DHRSX: variants seen among roughly 807,000 people sequenced by gnomAD.
The protein encoded by DHRSX is dehydrogenase/reductase X-linked.
In DHRSX, 31 loss-of-function variants were observed where a neutral mutation model predicts 34.0. That is an observed-to-expected ratio of 0.91 (90% confidence interval 0.69 to 1.23). The LOEUF is 1.23. DHRSX is among the 50% of genes most tolerant of loss of function. The probability of loss-of-function intolerance (pLI) is 0.00; values close to 1 mark genes in which losing one functional copy is unlikely to be tolerated. For missense variants in DHRSX, 414 were observed against 428.1 expected (o/e 0.97, Z 0.29); for synonymous variants, 201 against 183.8 (o/e 1.09, Z -0.76).
At chrX:2,262,703 C>G (rs1197899284) in intron 5 of DHRSX, among the ~76,000 whole-genome samples, 2 of 152,238 alleles carry the variant, frequency 1.3e-5, no homozygotes, top group Non-Finnish European at 2.9e-5. Context: ...CTTCCCTGCA[C>G]AGCCCGGTGC....
At chrX:2,472,921 G>A (rs1430477015) in intron 1 of DHRSX, among the ~76,000 whole-genome samples, 1 of 152,102 alleles carries the variant, frequency 6.6e-6, no homozygotes, top group Non-Finnish European at 1.5e-5. Flanking sequence ...AGTGTGAGAA[G>A]GATTCCTTTC....
At chrX:2,488,360 A>G (rs1335636993) in intron 1 of DHRSX, 1 of 422,078 alleles carries the variant, frequency 2.4e-6, no homozygotes, top group Non-Finnish European at 4.1e-6. Context: ...TTTTTAGTAG[A>G]GACGGGGTTT....
intron 5 of DHRSX, among the ~76,000 whole-genome samples, chrX:2,245,236 C>A (rs952143939): frequency 1.3e-5 from 2 of 152,136 alleles, no homozygotes; most frequent in African/African-American, 4.8e-5. Flanking sequence ...AAGAATGTAA[C>A]CATCTGTGTC....
chrX:2,313,006 A>ATTT (rs113049667), intron 3 of DHRSX, among the ~76,000 whole-genome samples: 10 of 144,174 alleles, frequency 6.9e-5, no homozygotes, highest in African/African-American at 2.6e-4. Context: ...CAAGATATAT[A>ATTT]TTTTTTTTTT....
chrX:2,468,359 G>C (rs1474060559), intron 1 of DHRSX, among the ~76,000 whole-genome samples: 2 of 152,184 alleles, frequency 1.3e-5, no homozygotes, highest in East Asian at 3.8e-4. Flanking sequence ...CACTTGCAGA[G>C]AGGAGCAGGC....
chrX:2,446,690 C>G (rs1214544776), intron 1 of DHRSX, among the ~76,000 whole-genome samples: 1 of 151,918 alleles, frequency 6.6e-6, no homozygotes, highest in African/African-American at 2.4e-5. Context: ...AAGGGACCAC[C>G]GCCATGTACT....
At chrX:2,263,512 C>CTT (rs775187535) in intron 5 of DHRSX, among the ~76,000 whole-genome samples, 31 of 130,452 alleles carry the variant, frequency 2.4e-4, no homozygotes, top group East Asian at 6.5e-4. Flanking sequence ...ATTTTTCTTT[C>CTT]TTTTTTTTTT....
intron 1 of DHRSX, among the ~76,000 whole-genome samples, chrX:2,441,197 G>A (rs1835157179): frequency 6.6e-6 from 1 of 152,140 alleles, no homozygotes; most frequent in Non-Finnish European, 1.5e-5. Flanking sequence ...AGACATCCAA[G>A]GAGCAGAATT....
chrX:2,490,915 G>A, intron 1 of DHRSX: 2 of 693,398 alleles, frequency 2.9e-6, no homozygotes, highest in Non-Finnish European at 4.8e-6. Context: ...TTCCTTGCGG[G>A]TCACTTTTGC....
At chrX:2,405,663 G>T (rs1335173951) in intron 3 of DHRSX, among the ~76,000 whole-genome samples, 1 of 151,888 alleles carries the variant, frequency 6.6e-6, no homozygotes, top group East Asian at 1.9e-4. Flanking sequence ...TGGGTGTGGT[G>T]CTGCACACCT....
At chrX:2,294,945 G>T (rs2041914806) in intron 3 of DHRSX, among the ~76,000 whole-genome samples, 1 of 152,102 alleles carries the variant, frequency 6.6e-6, no homozygotes, top group Admixed American at 6.6e-5. Flanking sequence ...GAGAGGATTT[G>T]GAGAAATAGG....
chrX:2,321,350 A>C (rs1425503174), intron 3 of DHRSX, among the ~76,000 whole-genome samples: 2 of 152,074 alleles, frequency 1.3e-5, no homozygotes. Context: ...CCCAAGAGGG[A>C]AGAGGCGTTG....
rs2042751858 is a variant in DHRSX, at chrX:2,348,819, A to G, written c.287-57216T>C. ...AGGTATTCTCCCTCCTCAGCCTCCCACGTAACTGGGATTTCAGGCACCCAC... is the reference window on the plus strand; with the variant it reads ...AGGTATTCTCCCTCCTCAGCCTCCCGCGTAACTGGGATTTCAGGCACCCAC... On this transcript the variant is annotated intron_variant, in intron 3 of 6. Coordinates refer to ENST00000334651, the MANE Select transcript of DHRSX (RefSeq NM_145177.3). 2.6e-5 allele frequency among the ~76,000 whole-genome samples: 4 copies of G among 151,254 alleles called. No homozygotes were observed. The South Asian group carries it at 8.3e-4, about 32-fold the overall frequency.
chrX:2,358,147 T>C (rs946650318), intron 3 of DHRSX, among the ~76,000 whole-genome samples: 3 of 152,112 alleles, frequency 2.0e-5, no homozygotes, highest in Admixed American at 6.5e-5. Context: ...AGCTAACACT[T>C]GGTTTAAAGT....
intron 2 of DHRSX, among the ~76,000 whole-genome samples, chrX:2,419,875 G>A (rs1046301934): frequency 3.8e-4 from 58 of 151,352 alleles, no homozygotes; most frequent in African/African-American, 1.2e-3. Context: ...GCTAAATGAC[G>A]AGTTAATAGG....
At chrX:2,399,725 C>CAAAAAAAAAAAAAAAA (rs779558142) in intron 3 of DHRSX, among the ~76,000 whole-genome samples, 15 of 35,214 alleles carry the variant, frequency 4.3e-4, no homozygotes, top group Admixed American at 9.9e-4. Flanking sequence ...AAACAAAAAG[C>CAAAAAAAAAAAAAAAA]AAAAAAAAAA....
chrX:2,332,614 C>G (rs1311540698), intron 3 of DHRSX, among the ~76,000 whole-genome samples: 1 of 152,184 alleles, frequency 6.6e-6, no homozygotes, highest in East Asian at 1.9e-4. Flanking sequence ...CGTCTAAAAA[C>G]AGTCCACCCC....
chrX:2,408,707 A>G, intron 3 of DHRSX, 38 bp downstream of exon 3: 1 of 1,578,034 alleles, frequency 6.3e-7, no homozygotes, highest in African/African-American at 1.4e-5. Flanking sequence ...CAAGGAAAAA[A>G]AAAAACAAAA....
chrX:2,266,730 G>A lies in DHRSX; in HGVS notation c.596+10C>T, dbSNP rs190745566. ...AGATGCTGTTATGATTATTCACAGG[G>A]TGCACCTACCTGCTCTGAAGGTCAT... On this transcript the variant is annotated intron_variant, in intron 5 of 6. Transcript: ENST00000334651. 4 of 1,613,462 alleles carry A rather than the reference G, an allele frequency of 2.5e-6. No individual in the cohort carries two copies. Among genetic ancestry groups the A allele is most frequent in the Non-Finnish European group, 3.4e-6 (4 of 1,179,552 alleles).
Sources: allele counts gnomAD v4.1 joint callset (sites outside exome capture counted in the v4.1 genomes callset), GRCh38; gene constraint gnomAD v4.1.1; transcripts MANE v1.5; gene names NCBI Gene and HGNC (gene_info 2026-07-23, HGNC 2026-07-21).